The following NPFFR1 variants were observed in gnomAD, a reference collection of about 807,000 sequenced individuals.
NPFFR1 encodes the protein G-protein coupled receptor 147.
A neutral mutation model predicts 12.7 loss-of-function variants in NPFFR1; 17 were observed. The observed-to-expected ratio is 1.34, with a 90% CI of 0.92 to 2.01. The LOEUF (loss-of-function observed/expected upper bound fraction) is 2.01. NPFFR1 is among the 30% of genes most tolerant of loss of function. The pLI, the probability that NPFFR1 is intolerant of heterozygous loss-of-function variation, is 0.00. For synonymous variants in NPFFR1, 296 were observed against 264.5 expected (o/e 1.12, Z -1.16); for missense variants, 604 against 606.5 (o/e 1.00, Z 0.04).
intron 1 of NPFFR1, among the ~76,000 whole-genome samples, chr10:70,271,295 T>G: frequency 6.6e-6 from 1 of 152,032 alleles, no homozygotes; most frequent in East Asian, 1.9e-4. Context: ...GGAGGATCAC[T>G]TGAGCTCAGG....
chr10:70,266,921 C>A (rs546078691), intron 1 of NPFFR1, among the ~76,000 whole-genome samples: 1 of 152,318 alleles, frequency 6.6e-6, no homozygotes, highest in South Asian at 2.1e-4. Context: ...TGGCTCTAGC[C>A]CTCACCTGAC....
chr10:70,255,890 T>C lies in NPFFR1; in HGVS notation c.423-63A>G, dbSNP rs1589908916. Reference sequence around the variant, plus strand: ...TCCTAGGGCCCCTGCGAGGGGACGGTGGGTGGGATGCGGGCACCTGACCTT... The same window carrying C: ...TCCTAGGGCCCCTGCGAGGGGACGGCGGGTGGGATGCGGGCACCTGACCTT... On this transcript the variant is annotated intron_variant, in intron 3 of 3. Transcript: ENST00000277942. This position sits in a 1 kb window ranked among gnomAD's most constrained non-coding sequence, Gnocchi z 4.2. 1 of 1,505,778 alleles carries C rather than the reference T, an allele frequency of 6.6e-7. No individual in the cohort carries two copies. The highest frequency in any genetic ancestry group is 8.9e-7 in the Non-Finnish European group (1 of 1,118,676). The allele number at this position is 1,505,778 out of a possible 1,614,324, so 93.3% of individuals were successfully genotyped here.
chr10:70,270,087 A>G (rs1050070344), intron 1 of NPFFR1, among the ~76,000 whole-genome samples: 2 of 152,148 alleles, frequency 1.3e-5, no homozygotes, highest in Non-Finnish European at 2.9e-5. Flanking sequence ...GCTTGACAGC[A>G]CCTGCAAAGC....
rs189316974 is a variant in NPFFR1, at chr10:70,271,978, G to A, written c.8-5587C>T. On this transcript the variant is annotated intron_variant, in intron 1 of 3. Coordinates refer to ENST00000277942, the MANE Select transcript of NPFFR1 (RefSeq NM_022146.5). ...CTAAAAATACAAAAATTAGCCAGGC[G>A]TGGTGGTGGGCCCCTGTAGTCCCAA... Among the ~76,000 whole-genome samples the A allele has an allele frequency of 8.5e-4, 129 of 151,884 alleles. 4 individuals carry two copies. The East Asian group carries it at 0.019, about 23-fold the overall frequency.
At chr10:70,276,342 C>T (rs368838504) in intron 1 of NPFFR1, among the ~76,000 whole-genome samples, 3 of 152,080 alleles carry the variant, frequency 2.0e-5, no homozygotes, top group African/African-American at 7.2e-5. Flanking sequence ...ACTTAACGTT[C>T]TCTCTCTCCC....
chr10:70,256,453 C>T (rs75068598), intron 3 of NPFFR1, among the ~76,000 whole-genome samples: 3,197 of 152,276 alleles, frequency 0.021, 133 homozygotes, highest in African/African-American at 0.073. Flanking sequence ...AGTCTGTCCT[C>T]GACAAGGACG....
Position 70,266,391 on chromosome 10 carries a change from C to T in NPFFR1, c.8G>A (p.Gly3Glu), listed in dbSNP as rs769422455. ...GCTGTTGGGAGGCTGGGAGGGCTCC[C>T]CTAGGACCAAAGGAATATATTGGTC... ME[G>E]EPSQPPNSSW... Residue 3 changes from glycine (G) to glutamate (E), a missense_variant and splice_region_variant, in exon 2 of 4, where the codon GGG becomes GAG. Gly to Glu is a moderately conservative substitution (Grantham distance 98). Coordinates refer to ENST00000277942, the MANE Select transcript of NPFFR1 (RefSeq NM_022146.5). 1 of 1,609,778 alleles carries T rather than the reference C, an allele frequency of 6.2e-7. No individual in the cohort carries two copies. Among genetic ancestry groups the T allele is most frequent in the Non-Finnish European group, 8.5e-7 (1 of 1,177,828 alleles).
intron 2 of NPFFR1, among the ~76,000 whole-genome samples, chr10:70,264,711 GAC>G (rs1334401943): frequency 6.6e-6 from 1 of 152,196 alleles, no homozygotes; most frequent in Non-Finnish European, 1.5e-5. Flanking sequence ...GTTTGAAAGA[GAC>G]ACAAGAAACT....
chr10:70,266,464 A>G, intron 1 of NPFFR1, 73 bp from the exon 2 acceptor site: 4 of 1,252,718 alleles, frequency 3.2e-6, no homozygotes, highest in African/African-American at 1.5e-5. Context: ...CACTAATGAG[A>G]CCCTCTGTGT....
At chr10:70,274,589 T>A (rs1340706692) in intron 1 of NPFFR1, among the ~76,000 whole-genome samples, 2 of 152,178 alleles carry the variant, frequency 1.3e-5, no homozygotes, top group Non-Finnish European at 2.9e-5. Flanking sequence ...GGGAGACTGA[T>A]GATAGTAGAC....
intron 1 of NPFFR1, among the ~76,000 whole-genome samples, chr10:70,280,840 A>G (rs1229216430): frequency 6.6e-6 from 1 of 152,126 alleles, no homozygotes; most frequent in African/African-American, 2.4e-5. Flanking sequence ...TGTCTCTACT[A>G]AAAACACAAA....
chr10:70,282,360 C>T lies in NPFFR1; in HGVS notation c.7+1310G>A, dbSNP rs569541596. ...TTTTTGCTCTTGTCTTTGCCAATTT[C>T]CCCCGACTTCTGTTCACTGGAGCTT... On this transcript the variant is annotated intron_variant, in intron 1 of 3. Transcript: ENST00000277942. Among the ~76,000 whole-genome samples the T allele has an allele frequency of 3.3e-5, 5 of 152,270 alleles. No individual in the cohort carries two copies. In the South Asian group the frequency reaches 6.2e-4, roughly 19 times the overall value.
chr10:70,268,690 A>G (rs2136802857), intron 1 of NPFFR1, among the ~76,000 whole-genome samples: 1 of 151,710 alleles, frequency 6.6e-6, no homozygotes, highest in East Asian at 1.9e-4. Flanking sequence ...GGGCTTCTTC[A>G]GAGAACAGTG....
At chr10:70,261,858 T>G (rs559773537) in intron 2 of NPFFR1, among the ~76,000 whole-genome samples, 1 of 152,318 alleles carries the variant, frequency 6.6e-6, no homozygotes, top group South Asian at 2.1e-4. Context: ...CATGGCTCAC[T>G]GCAGCCTCAA....
chr10:70,257,674 G>C (rs2136792408), intron 3 of NPFFR1, among the ~76,000 whole-genome samples: 1 of 152,336 alleles, frequency 6.6e-6, no homozygotes, highest in South Asian at 2.1e-4. Flanking sequence ...TAGTAAAAGA[G>C]GAAAGCCTCT....
Position 70,275,106 on chromosome 10 carries a change from T to C in NPFFR1, c.7+8564A>G, listed in dbSNP as rs545328867. ...GCAGGTTGCCCTTCCAAGAATCATT[T>C]GGATTGGCAAAGGCCAAAGAATTTG... On this transcript the variant is annotated intron_variant, in intron 1 of 3. Coordinates refer to ENST00000277942, the MANE Select transcript of NPFFR1 (RefSeq NM_022146.5). Among the ~76,000 whole-genome samples, 15 of 152,332 alleles carry C rather than the reference T, an allele frequency of 9.8e-5. No individual in the cohort carries two copies. In the East Asian group the frequency reaches 2.9e-3, roughly 29 times the overall value.
intron 2 of NPFFR1, among the ~76,000 whole-genome samples, chr10:70,263,391 C>T (rs948090280): frequency 6.6e-6 from 1 of 152,046 alleles, no homozygotes; most frequent in Non-Finnish European, 1.5e-5. Flanking sequence ...TCCTGCCTCA[C>T]CCTCCCGAGT....
intron 1 of NPFFR1, among the ~76,000 whole-genome samples, chr10:70,268,021 T>C (rs1039428057): frequency 3.3e-5 from 5 of 152,198 alleles, no homozygotes; most frequent in African/African-American, 7.2e-5. Flanking sequence ...ATGTCAAACA[T>C]GTAGAAGAGA....
chr10:70,261,538 A>T (rs1429688311), intron 2 of NPFFR1, among the ~76,000 whole-genome samples: 6 of 152,148 alleles, frequency 3.9e-5, no homozygotes, highest in Non-Finnish European at 7.4e-5. Context: ...AAGGGTCAAC[A>T]GTATTAGTGA....
Sources: allele counts gnomAD v4.1 joint callset (sites outside exome capture counted in the v4.1 genomes callset), GRCh38; gene constraint gnomAD v4.1.1; non-coding constraint Gnocchi (gnomAD v3.1); transcripts MANE v1.5; gene names NCBI Gene and HGNC (gene_info 2026-07-23, HGNC 2026-07-21).